The following WDPCP variants were observed in gnomAD, a reference collection of about 807,000 sequenced individuals.
The protein encoded by WDPCP is WD repeat-containing and planar cell polarity effector protein fritz homolog.
In WDPCP, 71 loss-of-function variants were observed where a neutral mutation model predicts 93.1. That is an observed-to-expected ratio of 0.76 (90% CI 0.63 to 0.93). The LOEUF (loss-of-function observed/expected upper bound fraction) is 0.93. Ranked by LOEUF, WDPCP falls within the 40% of genes least tolerant of loss-of-function variation. The pLI, the probability that WDPCP is intolerant of heterozygous loss-of-function variation, is 0.00. For missense variants in WDPCP, 844 were observed against 887.4 expected (o/e 0.95, Z 0.62); for synonymous variants, 315 against 315.0 (o/e 1.00, Z 0.00).
intron 6 of WDPCP, among the ~76,000 whole-genome samples, chr2:63,461,769 G>A (rs752279177): frequency 2.6e-5 from 4 of 152,262 alleles, no homozygotes; most frequent in Non-Finnish European, 5.9e-5. Context: ...TTATACCAAG[G>A]TGTACCATTA....
chr2:63,836,578 C>T, the WDPCP span, among the ~76,000 whole-genome samples: 6 of 152,204 alleles, frequency 3.9e-5, no homozygotes, highest in South Asian at 2.1e-4. Flanking sequence ...TAACAATCTA[C>T]GCTTGTTAAA....
intron 1 of WDPCP, among the ~76,000 whole-genome samples, chr2:63,529,293 A>G (rs1288571600): frequency 2.0e-5 from 3 of 152,096 alleles, no homozygotes; most frequent in Non-Finnish European, 4.4e-5. Flanking sequence ...GTCTTGTGCA[A>G]GTTTTCAAAG....
intron 13 of WDPCP, among the ~76,000 whole-genome samples, chr2:63,266,050 A>T (rs1431589256): frequency 6.6e-6 from 1 of 152,226 alleles, no homozygotes; most frequent in East Asian, 1.9e-4. Context: ...AGCTAATGTC[A>T]TACTCATTTG....
chr2:63,148,889 CAT>C (rs1671709845), intron 17 of WDPCP, among the ~76,000 whole-genome samples: 1 of 146,734 alleles, frequency 6.8e-6, no homozygotes, highest in African/African-American at 2.5e-5. Context: ...CACACACACA[CAT>C]CCCAAACCCC....
chr2:63,480,660 T>C (rs2105883676), intron 6 of WDPCP, among the ~76,000 whole-genome samples: 1 of 152,188 alleles, frequency 6.6e-6, no homozygotes, highest in African/African-American at 2.4e-5. Context: ...CAACAAATGG[T>C]GCTGGGATAA....
Position 63,121,532 on chromosome 2 carries a change from C to G in WDPCP, c.*474G>C, listed in dbSNP as rs548499333. 1 of 154,656 alleles carries G rather than the reference C, an allele frequency of 6.5e-6. No individual in the cohort carries two copies. Among genetic ancestry groups the G allele is most frequent in the Admixed American group, 6.4e-5 (1 of 15,596 alleles). 9.6% of individuals were successfully genotyped at this position (154,656 alleles called of 1,614,324 possible). On this transcript the variant is annotated 3_prime_UTR_variant, in exon 18 of 18. Transcript: ENST00000272321. ...CACAAGCATGTACCACCATGCCTGG[C>G]TAATTTTTAAAATTTTTTCTAGAGA...
At chr2:63,166,047 TTTC>T (rs1672943057) in intron 15 of WDPCP, among the ~76,000 whole-genome samples, 1 of 151,908 alleles carries the variant, frequency 6.6e-6, no homozygotes, top group African/African-American at 2.4e-5. Context: ...GCTTTGTAAA[TTTC>T]TTTTTTTTAA....
chr2:63,635,102 A>G (rs1709907461), intron 3 of WDPCP, among the ~76,000 whole-genome samples: 1 of 152,144 alleles, frequency 6.6e-6, no homozygotes, highest in Non-Finnish European at 1.5e-5. Context: ...ATAATTATAC[A>G]TCAGTAAATT....
intron 9 of WDPCP, among the ~76,000 whole-genome samples, chr2:63,415,207 T>A (rs935009157): frequency 6.6e-6 from 1 of 151,992 alleles, no homozygotes; most frequent in African/African-American, 2.4e-5. Context: ...ACAAAAAAAT[T>A]AAAAAATTAG....
At chr2:63,157,890 T>A (rs1672366088) in intron 15 of WDPCP, among the ~76,000 whole-genome samples, 1 of 152,120 alleles carries the variant, frequency 6.6e-6, no homozygotes, top group Admixed American at 6.5e-5. Flanking sequence ...ATTTCCTTTC[T>A]TCTGCTTCCT....
At chr2:63,568,105 T>C (rs1292377847) in intron 1 of WDPCP, among the ~76,000 whole-genome samples, 1 of 152,146 alleles carries the variant, frequency 6.6e-6, no homozygotes, top group Non-Finnish European at 1.5e-5. Flanking sequence ...ATATATTAAT[T>C]CAATGATCCT....
intron 13 of WDPCP, among the ~76,000 whole-genome samples, chr2:63,265,038 TAA>T (rs1431772098): frequency 6.6e-6 from 1 of 151,956 alleles, no homozygotes; most frequent in Non-Finnish European, 1.5e-5. Context: ...CCAAAACATA[TAA>T]GATGCAGCAA....
intron 12 of WDPCP, among the ~76,000 whole-genome samples, chr2:63,331,461 AGTAC>A (rs780739012): frequency 9.9e-5 from 15 of 152,196 alleles, no homozygotes; most frequent in Non-Finnish European, 1.9e-4. Flanking sequence ...GAGTTCTTTC[AGTAC>A]GTACATTCAA....
intron 14 of WDPCP, among the ~76,000 whole-genome samples, chr2:63,240,716 G>A (rs1171680517): frequency 2.6e-5 from 4 of 151,988 alleles, no homozygotes; most frequent in African/African-American, 4.8e-5. Flanking sequence ...GGGTTATTCT[G>A]CCCCAGATTG....
chr2:63,697,471 A>C (rs1178807477), intron 2 of WDPCP, among the ~76,000 whole-genome samples: 1 of 152,210 alleles, frequency 6.6e-6, no homozygotes, highest in African/African-American at 2.4e-5. Context: ...CAGTTTGAAA[A>C]GTGTGATTCC....
chr2:63,492,776 G>A (rs1700973768), intron 2 of WDPCP, 80 bp downstream of exon 2: 2 of 1,300,182 alleles, frequency 1.5e-6, no homozygotes, highest in Non-Finnish European at 2.2e-6. Context: ...GGAGAATTCA[G>A]GCTCTAACCT....
intron 17 of WDPCP, among the ~76,000 whole-genome samples, chr2:63,152,257 C>T (rs1239057216): frequency 1.3e-5 from 2 of 151,242 alleles, no homozygotes; most frequent in East Asian, 3.9e-4. Context: ...CATCAGTTAT[C>T]AACTCCTGGC....
chr2:63,783,805 C>A (rs148661994), intron 2 of WDPCP, among the ~76,000 whole-genome samples: 51 of 152,180 alleles, frequency 3.4e-4, no homozygotes, highest in African/African-American at 1.2e-3. Flanking sequence ...TGGGAAATTA[C>A]TTAATGGGTA....
intron 10 of WDPCP, among the ~76,000 whole-genome samples, chr2:63,403,325 T>G (rs1694295373): frequency 1.3e-5 from 2 of 152,116 alleles, no homozygotes; most frequent in African/African-American, 2.4e-5. Context: ...TATTGGGTAC[T>G]GGGCTTAATA....
Sources: gnomAD v4.1 joint callset for allele counts (sites outside exome capture counted in the v4.1 genomes callset) on GRCh38, gnomAD v4.1.1 for gene constraint, MANE v1.5 for transcripts, NCBI Gene and HGNC (gene_info 2026-07-23, HGNC 2026-07-21) for gene names.